RANBP17: variants seen among roughly 807,000 people sequenced by gnomAD.
RANBP17 encodes ran-binding protein 17.
A neutral mutation model predicts 141.2 loss-of-function variants in RANBP17; 158 were observed. That is an observed-to-expected ratio of 1.12 (90% CI 0.98 to 1.28). The LOEUF (loss-of-function observed/expected upper bound fraction) is 1.28, where lower values mean the gene tolerates loss of function less well. Among genes scored for constraint, RANBP17 ranks in the 50% most tolerant of loss-of-function variants. The pLI is 0.00. For missense variants in RANBP17, 1,438 were observed against 1,290.7 expected (o/e 1.11, Z -1.75); for synonymous variants, 430 against 450.0 (o/e 0.96, Z 0.56).
At chr5:170,909,542 C>T (rs1350878344) in intron 5 of RANBP17, 119 bp from the exon 6 acceptor site, 1 of 575,356 alleles carries the variant, frequency 1.7e-6, no homozygotes, top group African/African-American at 2.0e-5. Flanking sequence ...TAAATTGAAA[C>T]AGTCTAGAAA....
intron 14 of RANBP17, among the ~76,000 whole-genome samples, chr5:171,134,381 T>C (rs532131921): frequency 1.7e-4 from 26 of 152,214 alleles, no homozygotes; most frequent in Non-Finnish European, 2.9e-4. Flanking sequence ...CCTGTACTTA[T>C]GGCTAGATTG....
chr5:170,959,612 C>T (rs1217703631), intron 13 of RANBP17, among the ~76,000 whole-genome samples: 4 of 152,128 alleles, frequency 2.6e-5, no homozygotes, highest in Non-Finnish European at 5.9e-5. Context: ...CTTTAGACTC[C>T]CCCCAAATTT....
rs1350657883 is a variant in RANBP17, at chr5:170,924,541, A to G, written c.1459A>G (p.Ile487Val). The G allele has an allele frequency of 1.3e-6, 2 of 1,595,388 alleles. No homozygotes were observed. Among genetic ancestry groups the G allele is most frequent in the African/African-American group, 2.7e-5 (2 of 74,808 alleles). ...TTCTGGTGTAACTGTGGACATCACC[A>G]TTCAGGAAGGTCAGTAAACTTTATA... ...PYSGVTVDITIQEGRLAWLVY... is the reference protein window; with the variant it reads ...PYSGVTVDITVQEGRLAWLVY... Residue 487 changes from isoleucine to valine, a missense_variant, in exon 12 of 28, where the codon ATT becomes GTT. Physicochemically the swap from Ile to Val is conservative, Grantham distance 29. Coordinates refer to ENST00000523189, the MANE Select transcript of RANBP17 (RefSeq NM_022897.5).
intron 14 of RANBP17, among the ~76,000 whole-genome samples, chr5:171,092,412 G>T (rs1361140124): frequency 6.6e-6 from 1 of 152,154 alleles, no homozygotes; most frequent in Non-Finnish European, 1.5e-5. Context: ...GACGCTCTGT[G>T]TTATATTTAC....
rs567530443 is a variant in RANBP17 at position 170,874,297 on chromosome 5, A to ATG, written c.19-3798_19-3797dup. ...GTAAGTACCATGTGGCACTAGAAGA[A>ATG]TGTATATTCTGTTTTGGGGTGGAGA... On this transcript the variant is annotated intron_variant, in intron 1 of 27. Coordinates refer to ENST00000523189, the MANE Select transcript of RANBP17 (RefSeq NM_022897.5). 4.1e-4 allele frequency among the ~76,000 whole-genome samples: 63 copies of ATG among 152,324 alleles called. 1 individual carries two copies. The South Asian group carries it at 0.013, about 31-fold the overall frequency.
intron 25 of RANBP17, among the ~76,000 whole-genome samples, chr5:171,286,014 G>T (rs1386154471): frequency 2.0e-5 from 3 of 152,188 alleles, no homozygotes; most frequent in African/African-American, 7.2e-5. Flanking sequence ...GAGAACTAGG[G>T]GTAATGTTGG....
chr5:170,921,865 T>A (rs1346857799), intron 11 of RANBP17, among the ~76,000 whole-genome samples: 1 of 152,182 alleles, frequency 6.6e-6, no homozygotes, highest in Non-Finnish European at 1.5e-5. Flanking sequence ...TTTTGTTCCC[T>A]TGCTGGTGAG....
chr5:171,028,487 A>C (rs968993981), intron 14 of RANBP17, among the ~76,000 whole-genome samples: 6 of 152,160 alleles, frequency 3.9e-5, no homozygotes, highest in Non-Finnish European at 5.9e-5. Context: ...ATGTGAAGAT[A>C]ATTTATTAAT....
chr5:171,106,728 G>T (rs530935222), intron 14 of RANBP17, among the ~76,000 whole-genome samples: 2 of 152,150 alleles, frequency 1.3e-5, no homozygotes, highest in South Asian at 4.2e-4. Context: ...ATCACACGAG[G>T]AAGTTTTGTA....
intron 3 of RANBP17, among the ~76,000 whole-genome samples, chr5:170,885,426 C>G (rs1206201909): frequency 6.6e-6 from 1 of 152,098 alleles, no homozygotes; most frequent in Non-Finnish European, 1.5e-5. Context: ...GAGATTTCTT[C>G]CTGAAAAATG....
intron 14 of RANBP17, among the ~76,000 whole-genome samples, chr5:171,008,654 C>T (rs1350803160): frequency 1.3e-5 from 2 of 152,154 alleles, no homozygotes; most frequent in Non-Finnish European, 2.9e-5. Context: ...AAAGAACCTT[C>T]TTAAGGGTGG....
intron 19 of RANBP17, among the ~76,000 whole-genome samples, chr5:171,200,070 C>A (rs759452985): frequency 2.6e-4 from 40 of 152,168 alleles, no homozygotes; most frequent in Non-Finnish European, 4.6e-4. Flanking sequence ...ACTTTAAACA[C>A]CCCTATTCCC....
intron 14 of RANBP17, among the ~76,000 whole-genome samples, chr5:171,010,846 C>G (rs945316255): frequency 6.6e-6 from 1 of 151,952 alleles, no homozygotes; most frequent in African/African-American, 2.4e-5. Flanking sequence ...CTTATCAAAA[C>G]TAGTAAGAGA....
chr5:170,940,513 G>A (rs1415032026), intron 12 of RANBP17, among the ~76,000 whole-genome samples: 1 of 152,096 alleles, frequency 6.6e-6, no homozygotes, highest in Non-Finnish European at 1.5e-5. Flanking sequence ...AGCACTTCTG[G>A]TCCCAAGTAT....
At chr5:171,002,860 G>A (rs956653709) in intron 14 of RANBP17, among the ~76,000 whole-genome samples, 1 of 152,308 alleles carries the variant, frequency 6.6e-6, no homozygotes, top group Non-Finnish European at 1.5e-5. Context: ...AGTCATGGGG[G>A]TCAGGTGTGG....
Position 171,141,119 on chromosome 5 carries a change from C to T in RANBP17, c.1711-29011C>T, listed in dbSNP as rs543086565. ...ATTTGCAGAATCCCTAAAAATGTTT[C>T]TTTTTTCCTTTCCCTACTCTTTACT... On this transcript the variant is annotated intron_variant, in intron 14 of 27. Transcript: ENST00000523189. Among the ~76,000 whole-genome samples, 9 of 152,082 alleles carry T rather than the reference C, an allele frequency of 5.9e-5. No individual in the cohort carries two copies. In the South Asian group the frequency reaches 1.7e-3, roughly 28 times the overall value.
At chr5:171,003,695 G>A (rs1240647354) in intron 14 of RANBP17, among the ~76,000 whole-genome samples, 1 of 152,042 alleles carries the variant, frequency 6.6e-6, no homozygotes, top group Non-Finnish European at 1.5e-5. Flanking sequence ...GAAGTGGAGG[G>A]GTGGAAAGAA....
intron 20 of RANBP17, chr5:171,205,999 C>A: frequency 2.8e-6 from 1 of 357,324 alleles, no homozygotes; most frequent in Non-Finnish European, 5.5e-6. Flanking sequence ...CATTTTATCT[C>A]TTCAAGGCCT....
At chr5:171,072,382 A>G (rs1396142131) in intron 14 of RANBP17, among the ~76,000 whole-genome samples, 2 of 152,162 alleles carry the variant, frequency 1.3e-5, no homozygotes, top group South Asian at 2.1e-4. Context: ...GTTTTAAGAC[A>G]CCATATTTGT....
Sources: gnomAD v4.1 joint callset for allele counts (sites outside exome capture counted in the v4.1 genomes callset) on GRCh38, gnomAD v4.1.1 for gene constraint, MANE v1.5 for transcripts, NCBI Gene and HGNC (gene_info 2026-07-23, HGNC 2026-07-21) for gene names.